Variants in LIMCH1 observed in about 807,000 individuals in gnomAD.
The protein encoded by LIMCH1 is LIM and calponin homology domains-containing protein 1.
In LIMCH1, 113 loss-of-function variants were observed where a neutral mutation model predicts 176.5. The ratio of observed to expected loss-of-function variants is 0.64; its 90% CI spans 0.55 to 0.75. LIMCH1 has a LOEUF of 0.75. Ranked by LOEUF, LIMCH1 falls within the 30% of genes least tolerant of loss-of-function variation. The pLI, the probability that LIMCH1 is intolerant of heterozygous loss-of-function variation, is 0.00. For synonymous variants in LIMCH1, 619 were observed against 645.9 expected (o/e 0.96, Z 0.63); for missense variants, 1,674 against 1,814.9 (o/e 0.92, Z 1.41).
intron 2 of LIMCH1, among the ~76,000 whole-genome samples, chr4:41,499,863 C>T (rs2072931771): frequency 6.6e-6 from 1 of 152,210 alleles, no homozygotes; most frequent in African/African-American, 2.4e-5. Context: ...TCACACATTG[C>T]ATTTGGTTAC....
At chr4:41,696,011 G>A (rs1004264951) in intron 31 of LIMCH1, among the ~76,000 whole-genome samples, 5 of 152,192 alleles carry the variant, frequency 3.3e-5, no homozygotes, top group East Asian at 1.9e-4. Flanking sequence ...GGTGGTTTAC[G>A]TCATAGGCAT....
intron 18 of LIMCH1, among the ~76,000 whole-genome samples, chr4:41,656,661 A>G (rs1257840391): frequency 2.0e-5 from 3 of 152,208 alleles, no homozygotes; most frequent in African/African-American, 7.2e-5. Flanking sequence ...CATGCACAGC[A>G]TATGTGGCAC....
chr4:41,407,551 A>G (rs559001789), intron 1 of LIMCH1, among the ~76,000 whole-genome samples: 2 of 152,306 alleles, frequency 1.3e-5, no homozygotes, highest in South Asian at 4.1e-4. Context: ...TTATCCTTCA[A>G]GTAAAGAGTC....
chr4:41,668,175 C>G lies in LIMCH1; in HGVS notation c.3397+1509C>G, dbSNP rs2094898060. ...CAGAATCTGAGTTGGCTTCCATTAG[C>G]TATTATTGATGTTTGGCAGATAAGT... is the stretch of plus-strand genomic sequence containing the variant. On this transcript the variant is annotated intron_variant, in intron 21 of 31. Coordinates refer to ENST00000503057, the MANE Select transcript of LIMCH1 (RefSeq NM_001330672.2). Among the ~76,000 whole-genome samples the G allele has an allele frequency of 2.6e-5, 4 of 152,044 alleles. No individual in the cohort carries two copies. The South Asian group carries it at 6.2e-4, about 24-fold the overall frequency.
At chr4:41,626,608 GA>G in intron 7 of LIMCH1, 99 bp from the exon 8 acceptor site, 2 of 947,124 alleles carry the variant, frequency 2.1e-6, no homozygotes, top group Non-Finnish European at 1.5e-6. Context: ...ACAATATCGA[GA>G]AGACTTTTCA....
At chr4:41,431,784 G>T (rs1490401216) in intron 1 of LIMCH1, among the ~76,000 whole-genome samples, 1 of 152,048 alleles carries the variant, frequency 6.6e-6, no homozygotes, top group Non-Finnish European at 1.5e-5. Context: ...ATCTTTTCTT[G>T]TGCTATTATG....
intron 13 of LIMCH1, among the ~76,000 whole-genome samples, 175 bp from the exon 14 acceptor site, chr4:41,638,755 CTT>C (rs975069151): frequency 6.6e-6 from 1 of 152,028 alleles, no homozygotes; most frequent in African/African-American, 2.4e-5. Flanking sequence ...CAAGACTTGT[CTT>C]TGATTTTTCA....
At chr4:41,389,445 G>T in intron 1 of LIMCH1, 1 of 202,526 alleles carries the variant, frequency 4.9e-6, no homozygotes, top group Non-Finnish European at 1.1e-5. Flanking sequence ...GACAAATGTG[G>T]CACTGATCTT....
intron 1 of LIMCH1, among the ~76,000 whole-genome samples, chr4:41,374,158 G>A (rs1487897818): frequency 6.6e-6 from 1 of 152,108 alleles, no homozygotes; most frequent in Non-Finnish European, 1.5e-5. Flanking sequence ...GTTGACCAAG[G>A]GTGTCTGTGA....
At chr4:41,582,138 A>G (rs945036359) in intron 1 of LIMCH1, among the ~76,000 whole-genome samples, 20 of 152,234 alleles carry the variant, frequency 1.3e-4, no homozygotes, top group Admixed American at 2.0e-4. Context: ...TGCTAGCCAT[A>G]GTGCTAGTCC....
chr4:41,478,941 G>T (rs1305453354), intron 1 of LIMCH1, among the ~76,000 whole-genome samples: 1 of 152,102 alleles, frequency 6.6e-6, no homozygotes, highest in Non-Finnish European at 1.5e-5. Flanking sequence ...TATTTTCCCT[G>T]GGCTGTTGAA....
chr4:41,534,820 G>A (rs894187719), upstream of LIMCH1, among the ~76,000 whole-genome samples: 1 of 152,052 alleles, frequency 6.6e-6, no homozygotes, highest in Non-Finnish European at 1.5e-5. Flanking sequence ...GAAAAAAGGA[G>A]TTTGAGACTA....
chr4:41,503,972 C>A (rs2073818643), intron 2 of LIMCH1, among the ~76,000 whole-genome samples: 2 of 152,150 alleles, frequency 1.3e-5, no homozygotes, highest in South Asian at 4.1e-4. Flanking sequence ...GCGAGAGAGA[C>A]CTCTCTCCCA....
Position 41,438,097 on chromosome 4 carries a change from C to T in LIMCH1, c.97-56439C>T, listed in dbSNP as rs561881559. Among the ~76,000 whole-genome samples, 11 of 152,136 alleles carry T rather than the reference C, an allele frequency of 7.2e-5. No homozygotes were observed. The East Asian group carries it at 1.9e-3, about 27-fold the overall frequency. On this transcript the variant is annotated intron_variant, in intron 1 of 26. Coordinates refer to the LIMCH1 transcript ENST00000313860. The stretch of plus-strand genomic sequence containing the variant: ...CCAATCAGCTACCTTTTTTTTTCTA[C>T]ATAGCTGTGGAACAAACCACATCCA...
intron 1 of LIMCH1, among the ~76,000 whole-genome samples, chr4:41,408,203 A>G (rs1008515924): frequency 6.6e-6 from 1 of 152,144 alleles, no homozygotes; most frequent in African/African-American, 2.4e-5. Flanking sequence ...TTAAGGAGTC[A>G]AGGAAAATAA....
At chr4:41,466,536 A>G (rs2066142191) in intron 1 of LIMCH1, among the ~76,000 whole-genome samples, 1 of 152,236 alleles carries the variant, frequency 6.6e-6, no homozygotes. Flanking sequence ...ACCAAGGCTT[A>G]GAAACAGTTC....
intron 9 of LIMCH1, 33 bp downstream of exon 9, chr4:41,629,767 G>C: frequency 1.3e-6 from 2 of 1,516,052 alleles, no homozygotes; most frequent in Non-Finnish European, 1.8e-6. Flanking sequence ...TTTCCCCCTG[G>C]CAGTCATGGT....
rs796126855 is a variant in LIMCH1 at position 41,465,484 on chromosome 4, T to G, written c.97-29052T>G. Among the ~76,000 whole-genome samples the G allele has an allele frequency of 5.9e-5, 9 of 152,342 alleles. 1 individual carries two copies. The East Asian group carries it at 1.3e-3, about 23-fold the overall frequency. The stretch of plus-strand genomic sequence containing the variant: ...TCCTGCTACCTCTTCTCCTCCAGTG[T>G]GGATCACAATTCCTGTTCTCCTGGT... On this transcript the variant is annotated intron_variant, in intron 1 of 26. Coordinates refer to the LIMCH1 transcript ENST00000313860.
At chr4:41,604,530 A>G (rs1465269541) in intron 3 of LIMCH1, among the ~76,000 whole-genome samples, 1 of 152,174 alleles carries the variant, frequency 6.6e-6, no homozygotes, top group Admixed American at 6.5e-5. Flanking sequence ...AGGTGCTATT[A>G]TATTTGATTG....
Sources: allele counts gnomAD v4.1 joint callset (sites outside exome capture counted in the v4.1 genomes callset), GRCh38; gene constraint gnomAD v4.1.1; transcripts MANE v1.5; gene names NCBI Gene and HGNC (gene_info 2026-07-23, HGNC 2026-07-21).